The following ALDH1A2 variants were observed in gnomAD, a reference collection of about 807,000 sequenced individuals.
ALDH1A2 encodes the protein aldehyde dehydrogenase 1 family member A2.
A neutral mutation model predicts 60.3 loss-of-function variants in ALDH1A2; 27 were observed. The observed-to-expected ratio is 0.45, with a 90% CI of 0.33 to 0.62. ALDH1A2 has a LOEUF of 0.62. Among genes scored for constraint, ALDH1A2 ranks in the 20% least tolerant of loss-of-function variants. The pLI, the probability that ALDH1A2 is intolerant of heterozygous loss-of-function variation, is 0.02. For missense variants in ALDH1A2, 581 were observed against 643.8 expected (o/e 0.90, Z 1.06); for synonymous variants, 289 against 232.4 (o/e 1.24, Z -2.21).
At chr15:58,022,928 C>T (rs1895971688) in intron 1 of ALDH1A2, among the ~76,000 whole-genome samples, 1 of 152,112 alleles carries the variant, frequency 6.6e-6, no homozygotes, top group Non-Finnish European at 1.5e-5. Context: ...CAGATATCAA[C>T]ATAAGGACAA....
intron 9 of ALDH1A2, among the ~76,000 whole-genome samples, chr15:57,963,547 A>T (rs1893797694): frequency 6.6e-6 from 1 of 151,556 alleles, no homozygotes; most frequent in Non-Finnish European, 1.5e-5. Flanking sequence ...GTTTCACCAT[A>T]TTAGCCAGGA....
At chr15:58,012,087 T>G (rs1416143110) in intron 3 of ALDH1A2, 1 of 152,166 alleles carries the variant, frequency 6.6e-6, no homozygotes, top group Non-Finnish European at 1.5e-5. Flanking sequence ...AAAACTCACT[T>G]TTCTCATAGC....
chr15:57,977,113 GTAAACTTGTTT>G (rs1169404821), intron 7 of ALDH1A2, among the ~76,000 whole-genome samples: 1 of 140,574 alleles, frequency 7.1e-6, no homozygotes, highest in Non-Finnish European at 1.5e-5. Context: ...TTTTTTTCTT[GTAAACTTGTTT>G]AAGTTCCTTG....
intron 4 of ALDH1A2, among the ~76,000 whole-genome samples, chr15:58,007,520 C>T (rs1441639832): frequency 6.6e-6 from 1 of 151,986 alleles, no homozygotes; most frequent in Non-Finnish European, 1.5e-5. Context: ...TGACCTTCTA[C>T]AAGACACTAA....
At chr15:58,057,108 G>C (rs1376426686) in intron 1 of ALDH1A2, among the ~76,000 whole-genome samples, 4 of 152,024 alleles carry the variant, frequency 2.6e-5, no homozygotes, top group South Asian at 2.1e-4. Context: ...TATATGAGGA[G>C]ACATGATCAG....
intron 1 of ALDH1A2, among the ~76,000 whole-genome samples, chr15:58,041,661 G>T (rs1896521084): frequency 6.6e-6 from 1 of 151,834 alleles, no homozygotes; most frequent in Admixed American, 6.6e-5. Context: ...CCACTCATGA[G>T]GGCTCTGCCC....
At chr15:58,008,417 C>T (rs144483211) in intron 4 of ALDH1A2, among the ~76,000 whole-genome samples, 13 of 152,114 alleles carry the variant, frequency 8.5e-5, no homozygotes, top group African/African-American at 2.7e-4. Context: ...ATCTCCAAAA[C>T]GCATCAGATG....
intron 4 of ALDH1A2, among the ~76,000 whole-genome samples, chr15:58,004,219 T>A (rs1179227559): frequency 6.6e-6 from 1 of 151,886 alleles, no homozygotes; most frequent in African/African-American, 2.4e-5. Context: ...TAACTGATTA[T>A]CCATCTGTAG....
rs1161618391 is a variant in ALDH1A2 at position 57,962,092 on chromosome 15, C to T, written c.1171G>A (p.Gly391Arg). The T allele has an allele frequency of 6.2e-7, 1 of 1,614,196 alleles. No individual in the cohort carries two copies. The highest frequency in any genetic ancestry group is 1.3e-5 in the African/African-American group (1 of 75,056). ...ATGAAAAACCCCTTTCGGCCCAGTC[C>T]TTTGCCTCCACATTCCAGCTTGGCG... is the stretch of plus-strand genomic sequence containing the variant. ...EGAKLECGGK[G>R]LGRKGFFIEP... The change falls in exon 10 of 13, where the codon GGA becomes AGA. Residue 391 changes from glycine to arginine, a missense_variant. This residue lies in a region of ALDH1A2 where 375 missense variants were observed against 469.7 expected (regional missense o/e 0.80). Coordinates refer to ENST00000249750, the MANE Select transcript of ALDH1A2 (RefSeq NM_003888.4).
chr15:58,001,259 A>G (rs546749800), intron 4 of ALDH1A2, among the ~76,000 whole-genome samples: 1 of 152,068 alleles, frequency 6.6e-6, no homozygotes, highest in Non-Finnish European at 1.5e-5. Flanking sequence ...TCAGACTTCA[A>G]GTTCTTTACC....
chr15:58,006,012 C>G (rs992308464), intron 4 of ALDH1A2, among the ~76,000 whole-genome samples: 1 of 109,768 alleles, frequency 9.1e-6, no homozygotes, highest in Non-Finnish European at 2.0e-5. Context: ...GCATGTATAT[C>G]CAAAGCAGGG....
At chr15:57,981,327 C>CACACACACAG (rs1333117134) in intron 7 of ALDH1A2, among the ~76,000 whole-genome samples, 177 of 144,326 alleles carry the variant, frequency 1.2e-3, no homozygotes, top group African/African-American at 4.8e-3. Context: ...CACACACACA[C>CACACACACAG]AGACACACAC....
chr15:57,994,713 A>G (rs191151413), intron 5 of ALDH1A2, among the ~76,000 whole-genome samples: 34 of 152,320 alleles, frequency 2.2e-4, no homozygotes, highest in African/African-American at 8.2e-4. Context: ...ATATAAAATA[A>G]TATGCCTGGA....
intron 12 of ALDH1A2, among the ~76,000 whole-genome samples, chr15:57,957,143 T>C (rs1347833978): frequency 6.6e-6 from 1 of 152,104 alleles, no homozygotes; most frequent in African/African-American, 2.4e-5. Context: ...ATGGAGGAGA[T>C]AAAGAGCACT....
intron 1 of ALDH1A2, among the ~76,000 whole-genome samples, chr15:58,018,363 T>C (rs1180517672): frequency 6.6e-6 from 1 of 152,098 alleles, no homozygotes; most frequent in Non-Finnish European, 1.5e-5. Flanking sequence ...AAATGTGGGA[T>C]AAGGAGGCGC....
chr15:58,061,614 A>C (rs12439445), intron 1 of ALDH1A2, among the ~76,000 whole-genome samples: 58,540 of 127,744 alleles, frequency 0.46, 14,217 homozygotes, highest in South Asian at 0.69. Context: ...AAAAAACAAA[A>C]AAAAAAAAAA....
chr15:58,055,763 T>C (rs1157513228), intron 1 of ALDH1A2, among the ~76,000 whole-genome samples: 1 of 152,086 alleles, frequency 6.6e-6, no homozygotes, highest in Non-Finnish European at 1.5e-5. Context: ...AGCTTTGGGT[T>C]TAGAACTTAA....
At chr15:57,981,011 C>G (rs117459785) in intron 7 of ALDH1A2, among the ~76,000 whole-genome samples, 8,391 of 152,178 alleles carry the variant, frequency 0.055, 281 homozygotes, top group East Asian at 0.12. Context: ...CTGGTTTAGT[C>G]TTACAGTATT....
intron 1 of ALDH1A2, among the ~76,000 whole-genome samples, chr15:58,056,877 A>G (rs1896908221): frequency 6.6e-6 from 1 of 152,138 alleles, no homozygotes; most frequent in Non-Finnish European, 1.5e-5. Context: ...AATAAGTATG[A>G]GAATCTGAAG....
Sources: allele counts gnomAD v4.1 joint callset (sites outside exome capture counted in the v4.1 genomes callset), GRCh38; gene constraint gnomAD v4.1.1; regional missense constraint gnomAD v4.1.1; transcripts MANE v1.5; gene names NCBI Gene and HGNC (gene_info 2026-07-23, HGNC 2026-07-21).